Variants in LRRIQ1 observed in about 807,000 individuals in gnomAD.
The protein encoded by LRRIQ1 is leucine rich repeats and IQ motif containing 1, also known as leucine-rich repeat- and IQ domain-containing protein 1.
A neutral mutation model predicts 211.9 loss-of-function variants in LRRIQ1; 210 were observed. That is an observed-to-expected ratio of 0.99 (90% CI 0.89 to 1.11). The LOEUF is 1.11. Among genes scored for constraint, LRRIQ1 ranks in the 50% most tolerant of loss-of-function variants. LRRIQ1 has a pLI of 0.00. For synonymous variants in LRRIQ1, 699 were observed against 650.1 expected (o/e 1.08, Z -1.14); for missense variants, 2,136 against 1,939.5 (o/e 1.10, Z -1.90).
In LRRIQ1 at chr12:85,127,836, G is replaced by C; in HGVS notation, c.4012G>C (p.Ala1338Pro). 1 of 1,613,156 alleles carries C rather than the reference G, an allele frequency of 6.2e-7. No homozygotes were observed. Among genetic ancestry groups the C allele is most frequent in the Non-Finnish European group, 8.5e-7 (1 of 1,179,654 alleles). ...TTTTTTTTCTCCTCTTAATAGTATG[G>C]CAGCTGTGGTAATCCAGTCATACTG... ...QNIEPSEKIMAAVVIQSYWRG... is the reference protein window; with the variant it reads ...QNIEPSEKIMPAVVIQSYWRG... The change falls in exon 18 of 27, where the codon GCA (alanine) becomes CCA (proline). Residue 1338 changes from alanine (A) to proline (P), a missense_variant. By Grantham distance (27) the Ala-to-Pro change is conservative. Coordinates refer to ENST00000393217, the MANE Select transcript of LRRIQ1 (RefSeq NM_001079910.2).
Position 85,062,744 on chromosome 12 carries a change from G to A in LRRIQ1, c.2392-2518G>A, listed in dbSNP as rs956720917. 2.0e-5 allele frequency among the ~76,000 whole-genome samples: 3 copies of A among 151,374 alleles called. No individual in the cohort carries two copies. In the Admixed American group the frequency reaches 2.0e-4, roughly 10 times the overall value. On this transcript the variant is annotated intron_variant, in intron 8 of 26. Coordinates refer to ENST00000393217, the MANE Select transcript of LRRIQ1 (RefSeq NM_001079910.2). ...TAATGGGATAGGTGGGTTGAATGGT[G>A]GTTCAACTCTTAGTTCTTTGAAAAA... is the stretch of plus-strand genomic sequence containing the variant.
intron 15 of LRRIQ1, among the ~76,000 whole-genome samples, chr12:85,115,659 A>G (rs1402311762): frequency 6.6e-6 from 1 of 152,176 alleles, no homozygotes; most frequent in Non-Finnish European, 1.5e-5. Context: ...TGACCAAAAT[A>G]TAGTATTTCA....
At chr12:85,108,887 T>C (rs1031701159) in intron 15 of LRRIQ1, among the ~76,000 whole-genome samples, 2 of 152,064 alleles carry the variant, frequency 1.3e-5, no homozygotes, top group African/African-American at 4.8e-5. Flanking sequence ...TAGCAAAATA[T>C]GTATTAGGAC....
At chr12:85,193,017 A>G (rs1892670275) in intron 24 of LRRIQ1, among the ~76,000 whole-genome samples, 1 of 28,898 alleles carries the variant, frequency 3.5e-5, no homozygotes, top group South Asian at 5.8e-4. Flanking sequence ...ATATAATTAT[A>G]TAATATATTT....
chr12:85,097,857 T>A (rs1886026702), intron 11 of LRRIQ1, among the ~76,000 whole-genome samples: 1 of 152,138 alleles, frequency 6.6e-6, no homozygotes, highest in South Asian at 2.1e-4. Flanking sequence ...TTTAAGTTTA[T>A]CTGGTCAAAG....
At position 85,046,024 on chromosome 12, in the gene LRRIQ1, T is replaced by C; in HGVS notation, c.341T>C (p.Leu114Ser). Residue 114 changes from leucine to serine, a missense_variant, in exon 5 of 27, where the codon TTA becomes TCA. Physicochemically the swap from Leu to Ser is moderately radical, Grantham distance 145. Transcript: ENST00000393217. Reference protein sequence around the residue: ...EESSEQLIKILSEIEKEEFMR... With the variant: ...EESSEQLIKISSEIEKEEFMR... Reference sequence around the variant, plus strand: ...GGTACTCATTTAACCTCTTAGATATTATCTGAAATAGAAAAAGAAGAATTT... The same window carrying C: ...GGTACTCATTTAACCTCTTAGATATCATCTGAAATAGAAAAAGAAGAATTT... 6.3e-7 allele frequency: 1 copy of C among 1,580,204 alleles called. No individual in the cohort carries two copies. The highest frequency in any genetic ancestry group is 8.7e-7 in the Non-Finnish European group (1 of 1,150,880).
chr12:85,257,697 G>A (rs1202716597), intron 1 of LRRIQ1, among the ~76,000 whole-genome samples: 2 of 151,730 alleles, frequency 1.3e-5, no homozygotes, highest in African/African-American at 4.8e-5. Flanking sequence ...GCCACATGAG[G>A]AAAAGTCAAT....
At chr12:85,174,701 CAAAA>C (rs71076115) in intron 24 of LRRIQ1, among the ~76,000 whole-genome samples, 8 of 21,596 alleles carry the variant, frequency 3.7e-4, no homozygotes, top group Admixed American at 6.7e-4. Context: ...GAGTACAGCT[CAAAA>C]AAAAAAAAAA....
At chr12:85,188,877 A>G (rs1013069263) in intron 24 of LRRIQ1, among the ~76,000 whole-genome samples, 4 of 152,120 alleles carry the variant, frequency 2.6e-5, no homozygotes, top group African/African-American at 9.7e-5. Context: ...AATTTTTGAT[A>G]TGATTCAACT....
At position 85,160,596 on chromosome 12, in the gene LRRIQ1, T is replaced by C. The variant is rs751902166; in HGVS notation, c.4721-17T>C. On this transcript the variant is annotated splice_polypyrimidine_tract_variant and intron_variant, in intron 23 of 26. Coordinates refer to ENST00000393217, the MANE Select transcript of LRRIQ1 (RefSeq NM_001079910.2). ...ACCAAAGATGAACTCTGCTCCTTTC[T>C]TATTCGTTTTGTTTAGATTCCACTG... 1.3e-6 allele frequency: 2 copies of C among 1,492,180 alleles called. No homozygotes were observed. Among genetic ancestry groups the C allele is most frequent in the Non-Finnish European group, 1.9e-6 (2 of 1,072,498 alleles). 92.4% of individuals were successfully genotyped at this position (1,492,180 alleles called of 1,614,324 possible).
At chr12:85,041,676 G>A (rs1422209737) in intron 3 of LRRIQ1, among the ~76,000 whole-genome samples, 2 of 151,676 alleles carry the variant, frequency 1.3e-5, no homozygotes, top group African/African-American at 4.8e-5. Context: ...ACTATTTTGT[G>A]GACTTTGGAT....
chr12:85,098,489 G>A lies in LRRIQ1; in HGVS notation c.3022G>A (p.Gly1008Ser). The change falls in exon 12 of 27, where the codon GGC becomes AGC. Residue 1008 changes from glycine (G) to serine (S), a missense_variant. By Grantham distance (56) the Gly-to-Ser change is moderately conservative. Coordinates refer to ENST00000393217, the MANE Select transcript of LRRIQ1 (RefSeq NM_001079910.2). ...CCATAATCATCTTACTGATGTAGAG[G>A]GCGTTGAAAATTGTGGATTGCTCCA... ...CSHNHLTDVE[G>S]VENCGLLQIL... 1.2e-6 allele frequency: 2 copies of A among 1,610,824 alleles called. No individual in the cohort carries two copies. Among genetic ancestry groups the A allele is most frequent in the Non-Finnish European group, 1.7e-6 (2 of 1,178,522 alleles).
chr12:85,068,572 C>T lies in LRRIQ1; in HGVS notation c.2695+1674C>T, dbSNP rs574669430. On this transcript the variant is annotated intron_variant, in intron 10 of 26. Transcript: ENST00000393217. ...TTCCATTCCTTCATACTTCAGGAGA[C>T]AGTTTTGAATAATATGGCCGTCTCT... Among the ~76,000 whole-genome samples the T allele has an allele frequency of 3.3e-4, 50 of 151,862 alleles. No homozygotes were observed. In the South Asian group the frequency reaches 7.1e-3, roughly 21 times the overall value.
intron 24 of LRRIQ1, among the ~76,000 whole-genome samples, chr12:85,177,927 A>T (rs909391865): frequency 6.6e-6 from 1 of 152,130 alleles, no homozygotes; most frequent in Non-Finnish European, 1.5e-5. Context: ...CAAATAAATC[A>T]TGGTTACCAA....
At chr12:85,084,308 G>A (rs1269359000) in intron 11 of LRRIQ1, among the ~76,000 whole-genome samples, 1 of 152,004 alleles carries the variant, frequency 6.6e-6, no homozygotes, top group Non-Finnish European at 1.5e-5. Context: ...CATATATGAA[G>A]GAGACATAGC....
At chr12:85,251,726 G>A (rs1374981603) in intron 1 of LRRIQ1, among the ~76,000 whole-genome samples, 1 of 149,036 alleles carries the variant, frequency 6.7e-6, no homozygotes, top group African/African-American at 2.5e-5. Flanking sequence ...GAACATTATG[G>A]TGAAAATTAG....
chr12:85,229,604 C>T lies in LRRIQ1; in HGVS notation c.4910C>T (p.Thr1637Ile). The change falls in exon 25 of 27, where the codon ACA becomes ATA. Residue 1637 changes from threonine to isoleucine, a missense_variant. By Grantham distance (89) the Thr-to-Ile change is moderately conservative. Coordinates refer to ENST00000393217, the MANE Select transcript of LRRIQ1 (RefSeq NM_001079910.2). ...NREYTYQWLHTQVGVHETTSS... is the reference protein window; with the variant it reads ...NREYTYQWLHIQVGVHETTSS... ...GAATATACATACCAATGGCTTCACA[C>T]ACAGGTTGGGGTTCATGAAACGACT... The T allele has an allele frequency of 6.2e-7, 1 of 1,612,854 alleles. No individual in the cohort carries two copies. Among genetic ancestry groups the T allele is most frequent in the Non-Finnish European group, 8.5e-7 (1 of 1,179,438 alleles).
intron 26 of LRRIQ1, chr12:85,232,999 C>G: frequency 2.6e-6 from 1 of 379,214 alleles, no homozygotes; most frequent in Non-Finnish European, 4.7e-6. Context: ...TAGCATCCTA[C>G]AACTTTAAAA....
At chr12:85,160,530 C>T in intron 23 of LRRIQ1, 83 bp from the exon 24 acceptor site, 3 of 725,740 alleles carry the variant, frequency 4.1e-6, no homozygotes, top group Non-Finnish European at 6.8e-6. Context: ...TTTTTTACTA[C>T]CACCATATAA....
Sources: allele counts gnomAD v4.1 joint callset (sites outside exome capture counted in the v4.1 genomes callset), GRCh38; gene constraint gnomAD v4.1.1; transcripts MANE v1.5; gene names NCBI Gene and HGNC (gene_info 2026-07-23, HGNC 2026-07-21).